The following SRGAP3 variants were observed in gnomAD, a reference collection of about 807,000 sequenced individuals.
SRGAP3 encodes the protein SLIT-ROBO Rho GTPase-activating protein 3.
Under a neutral mutation model 121.1 loss-of-function variants are expected in SRGAP3, and 39 were observed. The observed-to-expected ratio is 0.32, with a 90% CI of 0.25 to 0.42. The LOEUF (loss-of-function observed/expected upper bound fraction) is 0.42, where lower values mean the gene tolerates loss of function less well. SRGAP3 is among the 10% of genes least tolerant of loss of function. The pLI is 1.00. For missense variants in SRGAP3, 1,213 were observed against 1,470.6 expected (o/e 0.82, Z 2.86); for synonymous variants, 601 against 570.0 (o/e 1.05, Z -0.77).
intron 3 of SRGAP3, among the ~76,000 whole-genome samples, chr3:9,319,001 T>A (rs1274401544): frequency 2.0e-5 from 3 of 151,928 alleles, no homozygotes; most frequent in African/African-American, 7.2e-5. Context: ...GCTTGCCTGC[T>A]TGAGGGGACA....
At chr3:9,087,354 A>G (rs1015282620) in intron 3 of SRGAP3, among the ~76,000 whole-genome samples, 1 of 151,938 alleles carries the variant, frequency 6.6e-6, no homozygotes, top group Non-Finnish European at 1.5e-5. Context: ...TGCCAAGGAC[A>G]AGGCTAGGAA....
chr3:9,015,601 A>G lies in SRGAP3; in HGVS notation c.1809T>C (p.Thr603=). The change falls in exon 15 of 22, where the codon ACT becomes ACC. Residue 603 remains threonine (T), a synonymous_variant. Coordinates refer to ENST00000383836, the MANE Select transcript of SRGAP3 (RefSeq NM_014850.4). The part of the protein sequence containing the change: ...PKERFQDLIS[T]IKLENPAERV... ...TTTCACCTGGGAAATACTTACTAAT[A>G]GTAGATATCAAATCTTGAAACCTTT... 3 of 1,614,154 alleles carry G rather than the reference A, an allele frequency of 1.9e-6. No homozygotes were observed. Among genetic ancestry groups the G allele is most frequent in the South Asian group, 1.1e-5 (1 of 91,084 alleles).
At chr3:9,075,484 T>A (rs770318088) in intron 4 of SRGAP3, among the ~76,000 whole-genome samples, 25 of 152,214 alleles carry the variant, frequency 1.6e-4, no homozygotes, top group Admixed American at 5.9e-4. Context: ...AAGGACTGGG[T>A]GATAAGGACT....
In SRGAP3 at chr3:9,024,963, G is replaced by A. The variant is rs182809147; in HGVS notation, c.1678+298C>T. On this transcript the variant is annotated intron_variant, in intron 14 of 21. Coordinates refer to ENST00000383836, the MANE Select transcript of SRGAP3 (RefSeq NM_014850.4). ...TAGTCATAGTAGTAGTAACAGTGGT[G>A]GTGGTGCTGGTGCTGGTGCTGGTGC... 7.9e-5 allele frequency among the ~76,000 whole-genome samples: 12 copies of A among 152,260 alleles called. 1 individual carries two copies. In the East Asian group the frequency reaches 1.9e-3, roughly 24 times the overall value.
chr3:9,112,298 A>G (rs183114251), intron 2 of SRGAP3, among the ~76,000 whole-genome samples: 3 of 152,302 alleles, frequency 2.0e-5, no homozygotes, highest in Admixed American at 1.3e-4. Context: ...CGTCCGAGAA[A>G]TGCTAACTCA....
chr3:9,020,608 A>G (rs1943868210), intron 14 of SRGAP3, among the ~76,000 whole-genome samples: 1 of 152,208 alleles, frequency 6.6e-6, no homozygotes, highest in Non-Finnish European at 1.5e-5. Context: ...ATACGCACAC[A>G]TACACATACA....
chr3:9,096,738 T>C (rs1303079668), intron 3 of SRGAP3, among the ~76,000 whole-genome samples: 2 of 151,276 alleles, frequency 1.3e-5, no homozygotes. Flanking sequence ...CAGTGAGTGG[T>C]TCCTGAGCAT....
chr3:9,045,922 G>A (rs545289662), intron 10 of SRGAP3, among the ~76,000 whole-genome samples: 1 of 151,760 alleles, frequency 6.6e-6, no homozygotes, highest in Non-Finnish European at 1.5e-5. Flanking sequence ...TGCCCCCATG[G>A]CACCCACACC....
At chr3:9,221,748 G>A (rs1469843118) in intron 1 of SRGAP3, among the ~76,000 whole-genome samples, 1 of 152,028 alleles carries the variant, frequency 6.6e-6, no homozygotes, top group African/African-American at 2.4e-5. Flanking sequence ...TCCTGACAAG[G>A]TCAGTCCACA....
intron 6 of SRGAP3, 170 bp downstream of exon 6, chr3:9,060,061 T>G: frequency 9.4e-7 from 1 of 1,062,672 alleles, no homozygotes; most frequent in Non-Finnish European, 1.4e-6. Context: ...GAGGTAACAT[T>G]CATTTTCCAC....
At chr3:9,144,157 C>T (rs1949950373) in intron 1 of SRGAP3, among the ~76,000 whole-genome samples, 1 of 152,216 alleles carries the variant, frequency 6.6e-6, no homozygotes, top group Non-Finnish European at 1.5e-5. Context: ...CTAGCCTAAA[C>T]CTCTTCAATG....
chr3:8,985,756 G>A lies in SRGAP3; in HGVS notation c.3063C>T (p.Pro1021=), dbSNP rs766130621. ...SPLHTIVIRD[P]DAAMRRSSSS... Reference sequence around the variant, plus strand: ...TGCTGCTGCGGCGCATGGCGGCATCGGGGTCGCGGATGACGATGGTGTGAA... The same window carrying A: ...TGCTGCTGCGGCGCATGGCGGCATCAGGGTCGCGGATGACGATGGTGTGAA... The change falls in exon 22 of 22, where the codon CCC becomes CCT. Residue 1021 remains proline (P), a synonymous_variant. Coordinates refer to ENST00000383836, the MANE Select transcript of SRGAP3 (RefSeq NM_014850.4). This position sits in a 1 kb window ranked among gnomAD's most constrained non-coding sequence, Gnocchi z 5.1. 2.5e-6 allele frequency: 4 copies of A among 1,599,518 alleles called. No individual in the cohort carries two copies. Among genetic ancestry groups the A allele is most frequent in the Admixed American group, 1.7e-5 (1 of 60,020 alleles).
At chr3:9,044,143 G>C (rs1171646537) in intron 10 of SRGAP3, among the ~76,000 whole-genome samples, 1 of 152,146 alleles carries the variant, frequency 6.6e-6, no homozygotes, top group Non-Finnish European at 1.5e-5. Flanking sequence ...CCACTTTTAA[G>C]TAAAGCTGAC....
intron 1 of SRGAP3, among the ~76,000 whole-genome samples, chr3:9,361,154 G>A (rs770592652): frequency 1.3e-5 from 2 of 152,144 alleles, no homozygotes; most frequent in South Asian, 2.1e-4. Context: ...CTGGGCTGAA[G>A]TGCAGTGATG....
At chr3:9,112,672 C>G (rs1361924759) in intron 2 of SRGAP3, among the ~76,000 whole-genome samples, 1 of 152,214 alleles carries the variant, frequency 6.6e-6, no homozygotes, top group African/African-American at 2.4e-5. Flanking sequence ...GGGTCCTTCT[C>G]ATCACTGAGA....
chr3:9,079,900 C>G (rs1947159258), intron 4 of SRGAP3, 125 bp downstream of exon 4: 1 of 919,532 alleles, frequency 1.1e-6, no homozygotes, highest in African/African-American at 1.6e-5. Context: ...CCCACTGTCA[C>G]TCAGCATAAA....
chr3:9,323,335 A>C (rs1285091584), intron 3 of SRGAP3, among the ~76,000 whole-genome samples: 1 of 151,952 alleles, frequency 6.6e-6, no homozygotes, highest in Admixed American at 6.5e-5. Flanking sequence ...ATTACTTTTC[A>C]AAATAAAAGG....
chr3:8,985,814 G>T lies in SRGAP3; in HGVS notation c.3005C>A (p.Pro1002Gln), dbSNP rs771279027. 1.2e-6 allele frequency: 2 copies of T among 1,600,534 alleles called. No individual in the cohort carries two copies. The highest frequency in any genetic ancestry group is 8.5e-7 in the Non-Finnish European group (1 of 1,179,908). The stretch of plus-strand genomic sequence containing the variant: ...GGCGGGCTCCGAGCTGACGGGGCCT[G>T]GCGGGTTCTTCAGGGGCTCCAGGGT... ...LDTLEPLKNP[P>Q]GPVSSEPASP... The change falls in exon 22 of 22, where the codon CCA (proline) becomes CAA (glutamine). Residue 1002 changes from proline to glutamine, a missense_variant. By Grantham distance (76) the Pro-to-Gln change is moderately conservative (BLOSUM62 -1). Coordinates refer to ENST00000383836, the MANE Select transcript of SRGAP3 (RefSeq NM_014850.4). The surrounding 1 kb of genome is among the most constrained non-coding windows in gnomAD (Gnocchi z 5.1).
chr3:9,182,423 C>T (rs1462450037), intron 1 of SRGAP3, among the ~76,000 whole-genome samples: 1 of 151,814 alleles, frequency 6.6e-6, no homozygotes, highest in East Asian at 1.9e-4. Context: ...CAAAGCGAGG[C>T]ATCTACAAGC....
Sources: gnomAD v4.1 joint callset for allele counts (sites outside exome capture counted in the v4.1 genomes callset) on GRCh38, gnomAD v4.1.1 for gene constraint, Gnocchi (gnomAD v3.1) non-coding constraint, MANE v1.5 for transcripts, NCBI Gene and HGNC (gene_info 2026-07-23, HGNC 2026-07-21) for gene names.